JUP: variants seen among roughly 807,000 people sequenced by gnomAD.
JUP encodes junction plakoglobin.
A neutral mutation model predicts 71.1 loss-of-function variants in JUP; 28 were observed. The ratio of observed to expected loss-of-function variants is 0.39; its 90% CI spans 0.29 to 0.54. JUP has a LOEUF of 0.54. JUP is among the 20% of genes least tolerant of loss of function. The pLI, the probability that JUP is intolerant of heterozygous loss-of-function variation, is 0.62. For synonymous variants in JUP, 401 were observed against 438.9 expected, an observed-to-expected ratio of 0.91 and a Z score of 1.08; for missense variants, 869 against 1,030.1, an observed-to-expected ratio of 0.84 and a Z score of 2.14.
At chr17:41,771,515 C>T in intron 2 of JUP, 132 bp downstream of exon 2, 1 of 792,844 alleles carries the variant, frequency 1.3e-6, no homozygotes, top group Non-Finnish European at 2.1e-6. Context: ...CTGGGTGGGC[C>T]CCTAGTTAGC....
chr17:41,763,433 G>GT, intron 7 of JUP, 112 bp from the exon 8 acceptor site: 1 of 732,076 alleles, frequency 1.4e-6, no homozygotes, highest in Non-Finnish European at 2.3e-6. Flanking sequence ...CTGCCTGTGT[G>GT]TGCCCGGGAA....
At chr17:41,783,730 G>A (rs138960999) in intron 1 of JUP, among the ~76,000 whole-genome samples, 1,703 of 151,678 alleles carry the variant, frequency 0.011, 17 homozygotes, top group Non-Finnish European at 0.014. Context: ...ACCAGCCTGC[G>A]CAACATGGTG....
At chr17:41,773,938 C>CA (rs1218470432) in intron 1 of JUP, among the ~76,000 whole-genome samples, 4 of 152,354 alleles carry the variant, frequency 2.6e-5, no homozygotes, top group Admixed American at 6.5e-5. Context: ...GACATCTGGA[C>CA]ACTGCTGGAC....
intron 1 of JUP, among the ~76,000 whole-genome samples, chr17:41,774,899 A>G (rs1555608192): frequency 6.6e-6 from 1 of 151,902 alleles, no homozygotes; most frequent in Admixed American, 6.6e-5. Context: ...TCAGGAGTTC[A>G]AGACCATCCT....
chr17:41,765,118 A>G, intron 5 of JUP, 51 bp from the exon 6 acceptor site: 1 of 1,574,834 alleles, frequency 6.3e-7, no homozygotes, highest in South Asian at 1.1e-5. Context: ...TATGACAGGA[A>G]CAAGGAAGCG....
rs1597801519 is a variant in JUP at position 41,763,046 on chromosome 17, G to T, written c.1434C>A (p.Leu478=). The T allele has an allele frequency of 6.2e-7, 1 of 1,614,140 alleles. No individual in the cohort carries two copies. The highest frequency in any genetic ancestry group is 1.7e-5 in the Admixed American group (1 of 60,024). Residue 478 remains leucine, a synonymous_variant, in exon 8 of 14, where the codon CTC becomes CTA. Coordinates refer to ENST00000393931, the MANE Select transcript of JUP (RefSeq NM_002230.4). Reference sequence around the variant, plus strand: ...TCACGATGGCTGGGATGCCATAGTTGAGACGCACAGAGTTCTGGGCCATCT... The same window carrying T: ...TCACGATGGCTGGGATGCCATAGTTTAGACGCACAGAGTTCTGGGCCATCT... The part of the protein sequence containing the change: ...EAEMAQNSVR[L]NYGIPAIVKL...
At chr17:41,781,620 A>G (rs782310814) in intron 1 of JUP, among the ~76,000 whole-genome samples, 9 of 152,152 alleles carry the variant, frequency 5.9e-5, no homozygotes, top group Non-Finnish European at 1.3e-4. Context: ...TTTCCTCTTC[A>G]CAGGGGTCAC....
intron 4 of JUP, 98 bp from the exon 5 acceptor site, chr17:41,767,678 G>A (rs868923469): frequency 2.6e-5 from 23 of 886,532 alleles, no homozygotes; most frequent in African/African-American, 8.3e-5. Flanking sequence ...AAGCCTCCCC[G>A]CTACTGACGC....
intron 1 of JUP, among the ~76,000 whole-genome samples, chr17:41,778,688 GAT>G (rs2047002979): frequency 1.3e-5 from 2 of 151,872 alleles, no homozygotes. Context: ...GAGGCGGGCG[GAT>G]CACGAGGTCA....
chr17:41,771,111 C>G (rs1472612370), intron 2 of JUP, among the ~76,000 whole-genome samples: 1 of 152,214 alleles, frequency 6.6e-6, no homozygotes, highest in Non-Finnish European at 1.5e-5. Flanking sequence ...CTCACTCCAA[C>G]CTCTGCCTCC....
intron 1 of JUP, among the ~76,000 whole-genome samples, chr17:41,774,249 G>T (rs1917108305): frequency 6.6e-6 from 1 of 152,152 alleles, no homozygotes; most frequent in South Asian, 2.1e-4. Context: ...TGGGGGGGTG[G>T]ACGCCCAGTG....
chr17:41,783,976 C>T (rs1267910915), intron 1 of JUP, among the ~76,000 whole-genome samples: 3 of 149,814 alleles, frequency 2.0e-5, no homozygotes, highest in African/African-American at 7.3e-5. Flanking sequence ...TTGTCAAGTA[C>T]TTACTGGGTA....
Position 41,763,307 on chromosome 17 carries a change from A to G in JUP, c.1173T>C (p.Ser391=), listed in dbSNP as rs1350773696. 4 of 1,613,652 alleles carry G rather than the reference A, an allele frequency of 2.5e-6. No individual in the cohort carries two copies. The highest frequency in any genetic ancestry group is 3.4e-6 in the Non-Finnish European group (4 of 1,179,890). The part of the protein sequence containing the change: ...DVATKQEGLE[S]VLKILVNQLS... Reference sequence around the variant, plus strand: ...GCTGATTCACCAGAATCTTCAGCACACTCTCCAGGCCCTCCTGGAGGGCAA... The same window carrying G: ...GCTGATTCACCAGAATCTTCAGCACGCTCTCCAGGCCCTCCTGGAGGGCAA... Residue 391 remains serine (S), a synonymous_variant, in exon 8 of 14, where the codon AGT becomes AGC. Transcript: ENST00000393931.
rs794729048 is a variant in JUP, at chr17:41,758,470, G to A, written c.1702C>T (p.His568Tyr). The change falls in exon 10 of 14, where the codon CAC becomes TAC. Residue 568 changes from histidine (H) to tyrosine (Y), a missense_variant. His to Tyr is a moderately conservative substitution (Grantham distance 83). Coordinates refer to ENST00000393931, the MANE Select transcript of JUP (RefSeq NM_002230.4). ...TTCATGGGGTCCCGGGCGAGGATGT[G>A]CAGTGCTCCGGTGCAGCCCTCCACA... is the stretch of plus-strand genomic sequence containing the variant. ...EIVEGCTGALHILARDPMNRM... is the reference protein window; with the variant it reads ...EIVEGCTGALYILARDPMNRM... 6.2e-6 allele frequency: 10 copies of A among 1,614,124 alleles called. No homozygotes were observed. Among genetic ancestry groups the A allele is most frequent in the Non-Finnish European group, 8.5e-6 (10 of 1,180,010 alleles).
rs61104138 is a variant in JUP, at chr17:41,780,706, C to CA, written c.-9+5881dup. Among the ~76,000 whole-genome samples the CA allele has an allele frequency of 7.2e-4, 104 of 145,242 alleles. 3 individuals carry two copies. In the South Asian group the frequency reaches 0.019, roughly 26 times the overall value. The stretch of plus-strand genomic sequence containing the variant: ...CAGGACTCCATCTCAAAAAACAAAC[C>CA]AAAAAAAAAAAAGAAAGAAAAGAGA... On this transcript the variant is annotated intron_variant, in intron 1 of 13. Transcript: ENST00000393931.
chr17:41,780,977 G>A (rs1260607177), intron 1 of JUP, among the ~76,000 whole-genome samples: 2 of 151,900 alleles, frequency 1.3e-5, no homozygotes, highest in Non-Finnish European at 1.5e-5. Flanking sequence ...TCAGGAGATC[G>A]AGACCATCCT....
Position 41,769,423 on chromosome 17 carries a change from C to T in JUP, c.463G>A (p.Asp155Asn), listed in dbSNP as rs1555605641. ...PELTKLLNDE[D>N]PVVVTKAAMI... is the part of the protein sequence containing the mutation. ...TAGCAGGGACCCTCACAGACCGGGT[C>T]CTCGTCGTTGAGCAGTTTGGTGAGC... Residue 155 changes from aspartate to asparagine, a missense_variant, in exon 3 of 14, where the codon GAC (aspartate) becomes AAC (asparagine). Transcript: ENST00000393931. 1.9e-6 allele frequency: 3 copies of T among 1,611,400 alleles called. No homozygotes were observed. Among genetic ancestry groups the T allele is most frequent in the East Asian group, 2.2e-5 (1 of 44,844 alleles).
chr17:41,769,392 C>G (rs562437578), intron 3 of JUP, 26 bp downstream of exon 3: 1 of 1,601,470 alleles, frequency 6.2e-7, no homozygotes, highest in East Asian at 2.2e-5. Context: ...TGCCCAGCCC[C>G]CACCCTAGCA....
At chr17:41,769,808 T>A (rs1916352811) in intron 2 of JUP, 131 bp from the exon 3 acceptor site, 2 of 990,416 alleles carry the variant, frequency 2.0e-6, no homozygotes, top group South Asian at 3.3e-5. Flanking sequence ...CCCCAGCACA[T>A]GACTGGCCAT....
Sources: gnomAD v4.1 joint callset for allele counts (sites outside exome capture counted in the v4.1 genomes callset) on GRCh38, gnomAD v4.1.1 for gene constraint, MANE v1.5 for transcripts, NCBI Gene and HGNC (gene_info 2026-07-23, HGNC 2026-07-21) for gene names.